SCMH1: variants seen among roughly 807,000 people sequenced by gnomAD.
SCMH1 encodes the protein polycomb protein SCMH1.
Under a neutral mutation model 70.8 loss-of-function variants are expected in SCMH1, and 37 were observed. The ratio of observed to expected loss-of-function variants is 0.52; its 90% confidence interval spans 0.40 to 0.69. The LOEUF (loss-of-function observed/expected upper bound fraction) is 0.69. Ranked by LOEUF, SCMH1 falls within the 30% of genes least tolerant of loss-of-function variation. The pLI, the probability that SCMH1 is intolerant of heterozygous loss-of-function variation, is 0.00. For missense variants in SCMH1, 607 were observed against 827.3 expected (o/e 0.73, Z 3.27); for synonymous variants, 292 against 307.4 (o/e 0.95, Z 0.52).
At chr1:41,188,956 G>A (rs1444038252) in intron 1 of SCMH1, among the ~76,000 whole-genome samples, 1 of 152,134 alleles carries the variant, frequency 6.6e-6, no homozygotes, top group Non-Finnish European at 1.5e-5. Context: ...AATAAGAAAA[G>A]ACAGAACTCT....
chr1:41,028,325 G>C lies in SCMH1; in HGVS notation c.1822-6C>G. ...AGGGCCTTGCCATCGATCTCCTGGG[G>C]GGTGGGGAGGTGGGCAGAAGTGGAA... On this transcript the variant is annotated splice_polypyrimidine_tract_variant and splice_region_variant and intron_variant, in intron 14 of 14. Coordinates refer to ENST00000337495, the Ensembl canonical transcript of SCMH1. 1 of 1,613,740 alleles carries C rather than the reference G, an allele frequency of 6.2e-7. No homozygotes were observed. The highest frequency in any genetic ancestry group is 8.5e-7 in the Non-Finnish European group (1 of 1,179,748).
intron 13 of SCMH1, among the ~76,000 whole-genome samples, chr1:41,030,685 A>G (rs1187648845): frequency 6.6e-6 from 1 of 152,068 alleles, no homozygotes; most frequent in Non-Finnish European, 1.5e-5. Flanking sequence ...CACAGTACAT[A>G]TCGTTACCTA....
chr1:41,176,691 C>A (rs527350039), intron 2 of SCMH1, among the ~76,000 whole-genome samples: 2 of 152,098 alleles, frequency 1.3e-5, no homozygotes, highest in Admixed American at 1.3e-4. Context: ...AAGGTGGCAG[C>A]GAGGCTGGGG....
intron 10 of SCMH1, among the ~76,000 whole-genome samples, chr1:41,062,655 C>T (rs1472939345): frequency 6.6e-6 from 1 of 151,256 alleles, no homozygotes; most frequent in African/African-American, 2.4e-5. Context: ...AGGAGAATTG[C>T]TTGAACCCAG....
At chr1:41,057,219 A>G (rs765622343) in intron 10 of SCMH1, among the ~76,000 whole-genome samples, 18 of 152,150 alleles carry the variant, frequency 1.2e-4, no homozygotes, top group Non-Finnish European at 2.6e-4. Context: ...ATCGCTCCAC[A>G]TCACTAAAGA....
intron 10 of SCMH1, among the ~76,000 whole-genome samples, chr1:41,063,499 T>A (rs1274433041): frequency 6.6e-6 from 1 of 151,390 alleles, no homozygotes; most frequent in East Asian, 2.0e-4. Context: ...AAAAAAACAA[T>A]GAAACCAAAA....
chr1:41,034,049 C>T lies in SCMH1; in HGVS notation c.1678+3313G>A, dbSNP rs1299797172. 2 of 1,606,670 alleles carry T rather than the reference C, an allele frequency of 1.2e-6. No homozygotes were observed. The highest frequency in any genetic ancestry group is 8.5e-7 in the Non-Finnish European group (1 of 1,176,294). On this transcript the variant is annotated intron_variant, in intron 13 of 14. Transcript: ENST00000337495. ...CTTTCATTTGATCCTTTTAACACTCCTGTGGAAAGACCAGGTTGGTGTCAC... is the reference window on the plus strand; with the variant it reads ...CTTTCATTTGATCCTTTTAACACTCTTGTGGAAAGACCAGGTTGGTGTCAC...
chr1:41,235,407 C>T (rs1327984955), intron 1 of SCMH1, among the ~76,000 whole-genome samples: 5 of 151,504 alleles, frequency 3.3e-5, no homozygotes, highest in Non-Finnish European at 5.9e-5. Context: ...CCCGTCTCTA[C>T]TAAAAATACA....
intron 13 of SCMH1, among the ~76,000 whole-genome samples, chr1:41,031,042 T>C (rs1644448403): frequency 6.6e-6 from 1 of 152,072 alleles, no homozygotes; most frequent in African/African-American, 2.4e-5. Context: ...ATCCCAGCAC[T>C]TTGGGTGGCC....
intron 5 of SCMH1, among the ~76,000 whole-genome samples, chr1:41,146,700 T>C (rs1011159646): frequency 2.6e-5 from 4 of 152,178 alleles, no homozygotes; most frequent in African/African-American, 4.8e-5. Flanking sequence ...TAGTAGGCTA[T>C]AGCATCCAGG....
chr1:41,060,492 G>C (rs1312916173), intron 10 of SCMH1, among the ~76,000 whole-genome samples: 1 of 151,772 alleles, frequency 6.6e-6, no homozygotes, highest in Non-Finnish European at 1.5e-5. Context: ...TTGAGGGAGT[G>C]TGTTGCCAGA....
At chr1:41,081,880 TAG>T (rs760570804) in intron 8 of SCMH1, among the ~76,000 whole-genome samples, 8 of 151,778 alleles carry the variant, frequency 5.3e-5, no homozygotes, top group Non-Finnish European at 1.0e-4. Context: ...CAGAGCAAAA[TAG>T]AGAGTTCCAA....
At chr1:41,138,207 T>C (rs942713881) in intron 6 of SCMH1, among the ~76,000 whole-genome samples, 2 of 152,218 alleles carry the variant, frequency 1.3e-5, no homozygotes, top group Non-Finnish European at 2.9e-5. Flanking sequence ...GGCTTTTTTT[T>C]TGCCAGAAGT....
At chr1:41,082,308 C>G (rs1363700860) in intron 8 of SCMH1, among the ~76,000 whole-genome samples, 1 of 152,042 alleles carries the variant, frequency 6.6e-6, no homozygotes, top group African/African-American at 2.4e-5. Flanking sequence ...TTAAGGGCAG[C>G]TAGAGAGAAA....
intron 1 of SCMH1, among the ~76,000 whole-genome samples, chr1:41,228,272 G>A (rs912482567): frequency 6.6e-6 from 1 of 152,276 alleles, no homozygotes; most frequent in Admixed American, 6.5e-5. Context: ...ACAATGGGAT[G>A]TATAATTATT....
intron 9 of SCMH1, among the ~76,000 whole-genome samples, chr1:41,074,995 T>C (rs1048069165): frequency 5.3e-5 from 8 of 152,196 alleles, no homozygotes; most frequent in Non-Finnish European, 8.8e-5. Context: ...CCCGAGTAGC[T>C]GGGACTACAG....
intron 8 of SCMH1, among the ~76,000 whole-genome samples, chr1:41,112,851 C>G (rs886461110): frequency 6.6e-6 from 1 of 152,176 alleles, no homozygotes. Context: ...TACTTCAAAG[C>G]TTGTTCTTTT....
chr1:41,046,647 A>G (rs1181925462), intron 11 of SCMH1, 49 bp from the exon 12 acceptor site: 3 of 1,465,058 alleles, frequency 2.0e-6, no homozygotes, highest in Admixed American at 3.4e-5. Flanking sequence ...GCAGTGGAGT[A>G]CAGCGCTAGG....
At chr1:41,187,054 A>G (rs546029922) in intron 1 of SCMH1, among the ~76,000 whole-genome samples, 1 of 152,350 alleles carries the variant, frequency 6.6e-6, no homozygotes, top group South Asian at 2.1e-4. Context: ...GGAGTAAAGT[A>G]GAACAAAAAC....
Sources: allele counts gnomAD v4.1 joint callset (sites outside exome capture counted in the v4.1 genomes callset), GRCh38; gene constraint gnomAD v4.1.1; transcripts MANE v1.5; gene names NCBI Gene and HGNC (gene_info 2026-07-23, HGNC 2026-07-21).